Variants in RSRP1 observed in about 807,000 individuals in gnomAD.
The protein encoded by RSRP1 is arginine and serine rich protein 1, also known as arginine/serine-rich protein 1.
Under a neutral mutation model 33.0 loss-of-function variants are expected in RSRP1, and 37 were observed. The observed-to-expected ratio is 1.12, with a 90% CI of 0.86 to 1.48. The LOEUF (loss-of-function observed/expected upper bound fraction) is 1.48, where lower values mean the gene tolerates loss of function less well. Among genes scored for constraint, RSRP1 ranks in the 40% most tolerant of loss-of-function variants. The pLI, the probability that RSRP1 is intolerant of heterozygous loss-of-function variation, is 0.00. For synonymous variants in RSRP1, 167 were observed against 158.7 expected, an observed-to-expected ratio of 1.05 and a Z score of -0.40; for missense variants, 402 against 385.3, an observed-to-expected ratio of 1.04 and a Z score of -0.36.
chr1:25,329,821 T>C (rs1258885791), intron 1 of RSRP1: 1 of 129,802 alleles, frequency 7.7e-6, no homozygotes, highest in Non-Finnish European at 1.8e-5. Flanking sequence ...ACCCAGCTAA[T>C]TTTTGCATTT....
intron 1 of RSRP1, among the ~76,000 whole-genome samples, chr1:25,302,712 A>G (rs1643486611): frequency 7.6e-6 from 1 of 130,918 alleles, no homozygotes. Context: ...AGCCAATAAT[A>G]ATAATAAAAA....
rs1443118510 is a variant in RSRP1 at position 25,312,066 on chromosome 1, T to C, written c.-67+25912A>G. Among the ~76,000 whole-genome samples the C allele has an allele frequency of 6.7e-5, 7 of 104,096 alleles. 1 individual carries two copies. In the South Asian group the frequency reaches 9.2e-4, roughly 14 times the overall value. 68.3% of individuals were successfully genotyped at this position (104,096 alleles called of 152,430 possible). On this transcript the variant is annotated intron_variant, in intron 1 of 1. Coordinates refer to the RSRP1 transcript ENST00000561867. ...ACTCCAACCTGTGCGAAGTGCAACA[T>C]GGGCAGAACCCAGCAAAACCACAGG...
At chr1:25,301,534 T>C (rs1470439072) in intron 1 of RSRP1, 1 of 1,378,496 alleles carries the variant, frequency 7.3e-7, no homozygotes, top group South Asian at 1.2e-5. Context: ...CCTCTTCTTG[T>C]GGATGTTCTG....
rs763393868 is a variant in RSRP1 at position 25,242,613 on chromosome 1, T to C, written c.849A>G (p.Pro283=). The C allele has an allele frequency of 1.9e-6, 3 of 1,611,856 alleles. No homozygotes were observed. The highest frequency in any genetic ancestry group is 1.1e-5 in the South Asian group (1 of 90,956). ...TTTAGATAGGTATCCACAGTCCATA[T>C]GGACTTTTTTTCTGATCTATTTTTG... ...RSPKIDQKKS[P]YGLWIPI Residue 283 remains proline (P), a synonymous_variant, in exon 5 of 5, where the codon CCA becomes CCG. Coordinates refer to ENST00000243189, the MANE Select transcript of RSRP1 (RefSeq NM_020317.5).
intron 1 of RSRP1, among the ~76,000 whole-genome samples, chr1:25,263,129 G>C (rs1398667552): frequency 2.0e-5 from 3 of 152,102 alleles, no homozygotes; most frequent in Non-Finnish European, 4.4e-5. Context: ...TGTGGGTATG[G>C]GGAATACAAC....
At chr1:25,289,170 A>C (rs1352632463) in intron 1 of RSRP1, among the ~76,000 whole-genome samples, 3 of 132,024 alleles carry the variant, frequency 2.3e-5, no homozygotes, top group African/African-American at 7.8e-5. Flanking sequence ...CTGAATGGTG[A>C]GCTAGCACGA....
intron 1 of RSRP1, among the ~76,000 whole-genome samples, chr1:25,280,671 G>A (rs1368690288): frequency 8.4e-6 from 1 of 119,668 alleles, no homozygotes; most frequent in African/African-American, 2.9e-5. Context: ...GAGTGTAGTG[G>A]TGTGACCGCA....
rs1299126714 is a variant in RSRP1 at position 25,333,021 on chromosome 1, G to A, written c.-67+4957C>T. Among the ~76,000 whole-genome samples, 8 of 131,548 alleles carry A rather than the reference G, an allele frequency of 6.1e-5. 2 individuals carry two copies. Among genetic ancestry groups the A allele is most frequent in the East Asian group, 1.9e-4 (1 of 5,130 alleles). The allele number at this position is 131,548 out of a possible 152,430, so 86.3% of individuals were successfully genotyped here. A position where few individuals can be genotyped will look rare whatever the true frequency, so the allele number is the denominator to read the frequency against. On this transcript the variant is annotated intron_variant, in intron 1 of 1. Transcript: ENST00000561867. ...CCAAAGGCCTTAGAACCCCAGCGGT[G>A]ACGGAAAGGCTGGTGTAGGTCCTGG...
chr1:25,306,463 G>A, intron 1 of RSRP1: 2 of 886,880 alleles, frequency 2.3e-6, no homozygotes, highest in East Asian at 2.4e-5. Context: ...TCAAGTCTGA[G>A]AAGGGCTTCT....
At chr1:25,255,754 G>T (rs1206933013) in intron 1 of RSRP1, among the ~76,000 whole-genome samples, 1 of 152,184 alleles carries the variant, frequency 6.6e-6, no homozygotes, top group Admixed American at 6.5e-5. Flanking sequence ...GGGAGACAGT[G>T]ACAGATCATT....
rs76716865 is a variant in RSRP1, at chr1:25,244,031, C to T, written c.673-398G>A. On this transcript the variant is annotated intron_variant, in intron 3 of 4. Coordinates refer to ENST00000243189, the MANE Select transcript of RSRP1 (RefSeq NM_020317.5). ...TACTGAGCAAACCCACATCTGGGCC[C>T]AATTACACAGATTCATTTAGATACA... is the stretch of plus-strand genomic sequence containing the variant. 10,571 of 1,195,022 alleles carry T rather than the reference C, an allele frequency of 8.8e-3. 726 individuals are homozygous for T. In the African/African-American group the frequency reaches 0.15, roughly 17 times the overall value. 74.0% of individuals were successfully genotyped at this position (1,195,022 alleles called of 1,614,324 possible). A position where few individuals can be genotyped will look rare whatever the true frequency, so the allele number is the denominator to read the frequency against.
chr1:25,260,001 C>T (rs614385), intron 1 of RSRP1, among the ~76,000 whole-genome samples: 27,091 of 150,838 alleles, frequency 0.18, 3,779 homozygotes, highest in East Asian at 0.7. Context: ...TGATTGTATA[C>T]GCATCCCAAG....
intron 1 of RSRP1, among the ~76,000 whole-genome samples, chr1:25,330,795 C>T (rs1471445286): frequency 7.7e-6 from 1 of 129,954 alleles, no homozygotes; most frequent in African/African-American, 2.6e-5. Context: ...ACTTAAACAA[C>T]AGAAATTTAT....
intron 1 of RSRP1, chr1:25,300,848 C>T: frequency 8.0e-7 from 1 of 1,246,978 alleles, no homozygotes; most frequent in African/African-American, 1.5e-5. Context: ...TCAAGTCACA[C>T]CTCCTAAGTG....
intron 1 of RSRP1, among the ~76,000 whole-genome samples, chr1:25,279,041 A>G: frequency 7.7e-6 from 1 of 129,844 alleles, no homozygotes; most frequent in East Asian, 2.0e-4. Flanking sequence ...AGGAGGGGCA[A>G]GAGTGGGAGG....
chr1:25,256,153 T>TC (rs1639942727), intron 1 of RSRP1, among the ~76,000 whole-genome samples: 1 of 151,764 alleles, frequency 6.6e-6, no homozygotes, highest in Non-Finnish European at 1.5e-5. Context: ...GGATCTTTTT[T>TC]TTTTTTTTTT....
In RSRP1 at chr1:25,295,861, T is replaced by G. The variant is rs1350718821; in HGVS notation, c.-67+42117A>C. On this transcript the variant is annotated intron_variant, in intron 1 of 1. Coordinates refer to the RSRP1 transcript ENST00000561867. ...AGGGAATATGGGAAATTTTTTTTTT[T>G]TTTTTTTTTTTTTTTTTTGAGATGG... 1.2e-4 allele frequency among the ~76,000 whole-genome samples: 12 copies of G among 102,838 alleles called. 3 individuals carry two copies. The highest frequency in any genetic ancestry group is 2.9e-4 in the South Asian group (1 of 3,430). The allele number at this position is 102,838 out of a possible 152,430, so 67.5% of individuals were successfully genotyped here.
chr1:25,292,132 A>C (rs1263036062), intron 1 of RSRP1, among the ~76,000 whole-genome samples: 1 of 131,984 alleles, frequency 7.6e-6, no homozygotes, highest in East Asian at 1.9e-4. Context: ...TAGGGTTTTG[A>C]GGGAGTAATT....
chr1:25,301,615 G>T (rs1643394534), intron 1 of RSRP1: 2 of 1,380,316 alleles, frequency 1.4e-6, no homozygotes, highest in Non-Finnish European at 2.0e-6. Flanking sequence ...CACCTACTAT[G>T]CTGTAGCAGT....
Sources: gnomAD v4.1 joint callset for allele counts (sites outside exome capture counted in the v4.1 genomes callset) on GRCh38, gnomAD v4.1.1 for gene constraint, MANE v1.5 for transcripts, NCBI Gene and HGNC (gene_info 2026-07-23, HGNC 2026-07-21) for gene names.